Variants in TIAM1 observed in about 807,000 individuals in gnomAD.
TIAM1 encodes TIAM Rac1 associated GEF 1, also known as rho guanine nucleotide exchange factor TIAM1.
TIAM1 carries 65 observed loss-of-function variants against 163.5 expected under a neutral mutation model. The observed-to-expected ratio is 0.40, with a 90% CI of 0.33 to 0.49. The LOEUF (loss-of-function observed/expected upper bound fraction) is 0.49, where lower values mean the gene tolerates loss of function less well. TIAM1 is among the 20% of genes least tolerant of loss of function. The pLI, the probability that TIAM1 is intolerant of heterozygous loss-of-function variation, is 0.77. For synonymous variants in TIAM1, 833 were observed against 810.1 expected, an observed-to-expected ratio of 1.03 and a Z score of -0.48; for missense variants, 1,789 against 2,044.7, an observed-to-expected ratio of 0.87 and a Z score of 2.41.
chr21:31,250,262 C>T (rs936696735), intron 5 of TIAM1, among the ~76,000 whole-genome samples: 9 of 151,768 alleles, frequency 5.9e-5, no homozygotes, highest in Non-Finnish European at 1.3e-4. Flanking sequence ...AGTTATCACA[C>T]AAGCCTTAAA....
At chr21:31,137,817 C>G (rs982340768) in intron 22 of TIAM1, among the ~76,000 whole-genome samples, 9 of 150,998 alleles carry the variant, frequency 6.0e-5, no homozygotes, top group African/African-American at 2.2e-4. Flanking sequence ...AAGGAGCACA[C>G]CAGAACCTTC....
At chr21:31,540,341 C>T (rs1262902282) in intron 1 of TIAM1, among the ~76,000 whole-genome samples, 1 of 149,944 alleles carries the variant, frequency 6.7e-6, no homozygotes, top group African/African-American at 2.5e-5. Context: ...GCCAAGATCA[C>T]GCCATTGCAC....
At chr21:31,491,140 G>C (rs1245797982) in intron 1 of TIAM1, among the ~76,000 whole-genome samples, 6 of 142,286 alleles carry the variant, frequency 4.2e-5, no homozygotes, top group Non-Finnish European at 9.4e-5. Context: ...AAGAAAGAAA[G>C]AACGAAAGAA....
intron 23 of TIAM1, among the ~76,000 whole-genome samples, chr21:31,135,650 CAAA>C (rs111656838): frequency 1.2e-4 from 17 of 143,984 alleles, no homozygotes; most frequent in Admixed American, 3.5e-4. Flanking sequence ...GAGCAGCAGC[CAAA>C]AAAAAAAAAA....
intron 2 of TIAM1, among the ~76,000 whole-genome samples, chr21:31,329,365 A>T (rs894547550): frequency 1.6e-4 from 24 of 152,160 alleles, no homozygotes; most frequent in Non-Finnish European, 5.9e-5. Flanking sequence ...CTCCCAGAAA[A>T]ATCCTCGTAA....
At chr21:31,495,745 CG>C (rs1400890097) in intron 1 of TIAM1, among the ~76,000 whole-genome samples, 1 of 151,802 alleles carries the variant, frequency 6.6e-6, no homozygotes, top group Admixed American at 6.6e-5. Flanking sequence ...CAAGGCGGGG[CG>C]GGGGGATCAC....
intron 2 of TIAM1, among the ~76,000 whole-genome samples, chr21:31,301,793 T>C (rs1325591853): frequency 6.6e-6 from 1 of 151,644 alleles, no homozygotes; most frequent in African/African-American, 2.4e-5. Flanking sequence ...TGAGCTGAGA[T>C]TGCGTCATTG....
At chr21:31,546,556 AAAAG>A (rs58230083) in intron 1 of TIAM1, among the ~76,000 whole-genome samples, 61,732 of 143,202 alleles carry the variant, frequency 0.43, 13,539 homozygotes, top group African/African-American at 0.54. Context: ...TCTCAAAAAA[AAAAG>A]AAAGAAAGAA....
intron 2 of TIAM1, among the ~76,000 whole-genome samples, chr21:31,372,938 G>C (rs1293794458): frequency 6.6e-6 from 1 of 151,836 alleles, no homozygotes; most frequent in African/African-American, 2.4e-5. Flanking sequence ...GCCTGTAATA[G>C]CAGCTACTCG....
At chr21:31,423,122 G>C (rs1389204561) in intron 2 of TIAM1, among the ~76,000 whole-genome samples, 2 of 136,242 alleles carry the variant, frequency 1.5e-5, no homozygotes, top group African/African-American at 5.5e-5. Flanking sequence ...TTTTTGAGAC[G>C]GAGTCTGGCT....
At chr21:31,394,752 A>T (rs2077032776) in intron 2 of TIAM1, among the ~76,000 whole-genome samples, 1 of 151,178 alleles carries the variant, frequency 6.6e-6, no homozygotes, top group Non-Finnish European at 1.5e-5. Context: ...ACACACACAC[A>T]CACACACACA....
intron 10 of TIAM1, among the ~76,000 whole-genome samples, chr21:31,211,165 G>T (rs2086870571): frequency 6.6e-6 from 1 of 152,114 alleles, no homozygotes; most frequent in Non-Finnish European, 1.5e-5. Flanking sequence ...CTCCATCACT[G>T]CCTGAGGACC....
At position 31,395,990 on chromosome 21, in the gene TIAM1, G is replaced by T. The variant is rs2077061497; in HGVS notation, c.-368-56568C>A. Among the ~76,000 whole-genome samples the T allele has an allele frequency of 2.6e-5, 4 of 152,314 alleles. No homozygotes were observed. In the South Asian group the frequency reaches 8.3e-4, roughly 32 times the overall value. The stretch of plus-strand genomic sequence containing the variant: ...ATGGCTTTTTTCCTCCGTAATGGCT[G>T]TGAAATTGATTGGGATATAGGCTAA... On this transcript the variant is annotated intron_variant, in intron 2 of 28. Coordinates refer to the TIAM1 transcript ENST00000286827. The surrounding 1 kb of genome is among the most constrained non-coding windows in gnomAD (Gnocchi z 7.5).
chr21:31,420,354 G>A (rs768432486), intron 2 of TIAM1, among the ~76,000 whole-genome samples: 1 of 152,180 alleles, frequency 6.6e-6, no homozygotes, highest in Non-Finnish European at 1.5e-5. Flanking sequence ...CTCTTCTGTT[G>A]CATCTCCTCT....
In TIAM1 at chr21:31,371,356, C is replaced by T. The variant is rs897055402; in HGVS notation, c.-368-31934G>A. 5.9e-5 allele frequency among the ~76,000 whole-genome samples: 9 copies of T among 152,124 alleles called. No homozygotes were observed. The East Asian group carries it at 9.7e-4, about 16-fold the overall frequency. ...AAGGGGGCTAAGAGCTCATTTAGTA[C>T]CTTCCTCCTCATTTTACGATGAGAC... On this transcript the variant is annotated intron_variant, in intron 2 of 28. Coordinates refer to the TIAM1 transcript ENST00000286827.
At chr21:31,326,713 A>G (rs749823554) in intron 2 of TIAM1, among the ~76,000 whole-genome samples, 1 of 152,200 alleles carries the variant, frequency 6.6e-6, no homozygotes, top group Non-Finnish European at 1.5e-5. Flanking sequence ...GGCATTTGTT[A>G]CCCAGGGGCA....
At chr21:31,557,825 G>A (rs988827181) in intron 1 of TIAM1, among the ~76,000 whole-genome samples, 7 of 152,188 alleles carry the variant, frequency 4.6e-5, no homozygotes, top group Non-Finnish European at 8.8e-5. Context: ...AAGACCAGGA[G>A]ACGCGACGAC....
rs60592178 is a variant in TIAM1 at position 31,387,195 on chromosome 21, C to CTTTTTT, written c.-368-47779_-368-47774dup. Reference sequence around the variant, plus strand: ...GCTTTTGTTTGTAGAAGCTTATTCTCTTTTTTTTTTTTTTTTTTTTTTTTT... The same window carrying CTTTTTT: ...GCTTTTGTTTGTAGAAGCTTATTCTCTTTTTTTTTTTTTTTTTTTTTTTTTTTTTTT... On this transcript the variant is annotated intron_variant, in intron 2 of 28. Transcript: ENST00000286827. Among the ~76,000 whole-genome samples the CTTTTTT allele has an allele frequency of 1.8e-3, 134 of 75,140 alleles. 6 individuals are homozygous for CTTTTTT. The highest frequency in any genetic ancestry group is 2.9e-3 in the African/African-American group (51 of 17,826). The allele number at this position is 75,140 out of a possible 152,430, so 49.3% of individuals were successfully genotyped here. A position where few individuals can be genotyped will look rare whatever the true frequency, so the allele number is the denominator to read the frequency against.
At chr21:31,143,118 GA>G (rs2146281492) in intron 20 of TIAM1, among the ~76,000 whole-genome samples, 2 of 152,148 alleles carry the variant, frequency 1.3e-5, no homozygotes, top group South Asian at 4.1e-4. Context: ...TTCCAGTGTG[GA>G]AACTCCACAC....
Sources: gnomAD v4.1 joint callset for allele counts (sites outside exome capture counted in the v4.1 genomes callset) on GRCh38, gnomAD v4.1.1 for gene constraint, Gnocchi (gnomAD v3.1) non-coding constraint, MANE v1.5 for transcripts, NCBI Gene and HGNC (gene_info 2026-07-23, HGNC 2026-07-21) for gene names.